CLINT1: variants seen among roughly 807,000 people sequenced by gnomAD.
CLINT1 encodes clathrin interactor 1.
CLINT1 carries 15 observed loss-of-function variants against 70.4 expected under a neutral mutation model. The ratio of observed to expected loss-of-function variants is 0.21; its 90% confidence interval spans 0.14 to 0.33. The LOEUF is 0.33. CLINT1 is among the 10% of genes least tolerant of loss of function. The pLI is 1.00. For missense variants in CLINT1, 615 were observed against 778.1 expected (o/e 0.79, Z 2.49); for synonymous variants, 227 against 254.7 (o/e 0.89, Z 1.04).
intron 8 of CLINT1, among the ~76,000 whole-genome samples, chr5:157,797,873 C>G (rs1052328139): frequency 6.6e-6 from 1 of 152,140 alleles, no homozygotes; most frequent in Non-Finnish European, 1.5e-5. Context: ...CATAACTTAT[C>G]TATAGCAAAT....
chr5:157,815,873 C>T (rs995905914), intron 3 of CLINT1, among the ~76,000 whole-genome samples: 2 of 152,074 alleles, frequency 1.3e-5, no homozygotes, highest in African/African-American at 4.8e-5. Context: ...AGAAAAGGTA[C>T]AGAACAAATA....
At chr5:157,801,709 T>A (rs1762227743) in intron 8 of CLINT1, among the ~76,000 whole-genome samples, 1 of 152,144 alleles carries the variant, frequency 6.6e-6, no homozygotes, top group Admixed American at 6.5e-5. Context: ...GGCAGGTGAC[T>A]GTAATCCCAG....
chr5:157,814,348 T>C lies in CLINT1; in HGVS notation c.244-55A>G, dbSNP rs982964804. 7.5e-6 allele frequency: 9 copies of C among 1,194,858 alleles called. No individual in the cohort carries two copies. The African/African-American group carries it at 1.2e-4, about 16-fold the overall frequency. 74.0% of individuals were successfully genotyped at this position (1,194,858 alleles called of 1,614,324 possible). On this transcript the variant is annotated intron_variant, in intron 3 of 11. Coordinates refer to ENST00000411809, the MANE Select transcript of CLINT1 (RefSeq NM_014666.4). The stretch of plus-strand genomic sequence containing the variant: ...AATGAAATATATTCTAGTAGAGCTT[T>C]GGTAAATGGTTAAAAAAAATAATTC...
At chr5:157,815,083 A>G (rs1055515891) in intron 3 of CLINT1, among the ~76,000 whole-genome samples, 5 of 151,526 alleles carry the variant, frequency 3.3e-5, no homozygotes, top group African/African-American at 1.2e-4. Flanking sequence ...AAACAACCTG[A>G]AGGTAGAAAA....
chr5:157,792,057 A>G, intron 9 of CLINT1, 62 bp from the exon 10 acceptor site: 3 of 1,436,780 alleles, frequency 2.1e-6, no homozygotes, highest in African/African-American at 1.4e-5. Context: ...AAATGTAACA[A>G]TCTATGAACT....
chr5:157,816,666 T>C (rs1762732208), intron 3 of CLINT1, 68 bp downstream of exon 3: 1 of 1,067,932 alleles, frequency 9.4e-7, no homozygotes, highest in Non-Finnish European at 1.4e-6. Context: ...CACCTATGTA[T>C]ATACACCTTC....
At chr5:157,798,176 C>G (rs1459013763) in intron 8 of CLINT1, among the ~76,000 whole-genome samples, 1 of 152,018 alleles carries the variant, frequency 6.6e-6, no homozygotes, top group African/African-American at 2.4e-5. Context: ...ATATTCATAC[C>G]AAATTCCACA....
intron 8 of CLINT1, among the ~76,000 whole-genome samples, chr5:157,801,652 G>C (rs1319805175): frequency 1.3e-5 from 2 of 152,134 alleles, no homozygotes; most frequent in Non-Finnish European, 2.9e-5. Flanking sequence ...GGCCAACACA[G>C]TGAAACTCCG....
At chr5:157,823,183 T>C (rs1401415950) in intron 1 of CLINT1, among the ~76,000 whole-genome samples, 1 of 152,190 alleles carries the variant, frequency 6.6e-6, no homozygotes, top group Non-Finnish European at 1.5e-5. Flanking sequence ...CATACTAAGA[T>C]AATTTAAAAG....
At chr5:157,835,747 G>A (rs988792102) in intron 1 of CLINT1, among the ~76,000 whole-genome samples, 2 of 152,062 alleles carry the variant, frequency 1.3e-5, no homozygotes, top group African/African-American at 4.8e-5. Flanking sequence ...CAGCTCTTTT[G>A]GGGGCATGAC....
chr5:157,845,945 T>C (rs1753362089), intron 1 of CLINT1, among the ~76,000 whole-genome samples: 1 of 152,190 alleles, frequency 6.6e-6, no homozygotes. Flanking sequence ...GTTACTATTG[T>C]AATTGTTTGG....
At chr5:157,824,772 A>G (rs1361443060) in intron 1 of CLINT1, among the ~76,000 whole-genome samples, 2 of 152,182 alleles carry the variant, frequency 1.3e-5, no homozygotes, top group Non-Finnish European at 2.9e-5. Context: ...ACAACTAGTA[A>G]ATGGCATATT....
At chr5:157,813,353 A>C in intron 4 of CLINT1, 126 bp from the exon 5 acceptor site, 1 of 871,462 alleles carries the variant, frequency 1.1e-6, no homozygotes, top group Non-Finnish European at 1.7e-6. Context: ...AAACAATAGA[A>C]AGGGGCAAGT....
chr5:157,813,361 AG>A, intron 4 of CLINT1, 134 bp from the exon 5 acceptor site: 1 of 828,546 alleles, frequency 1.2e-6, no homozygotes, highest in Non-Finnish European at 1.8e-6. Flanking sequence ...GAAAGGGGCA[AG>A]TTGTGCTATT....
intron 8 of CLINT1, among the ~76,000 whole-genome samples, chr5:157,802,145 T>A (rs1184766448): frequency 1.3e-5 from 2 of 152,154 alleles, no homozygotes; most frequent in Non-Finnish European, 2.9e-5. Context: ...TCCGCCTGCC[T>A]CGGCCTCCCA....
At chr5:157,853,793 A>G (rs1753657728) in intron 1 of CLINT1, among the ~76,000 whole-genome samples, 1 of 151,384 alleles carries the variant, frequency 6.6e-6, no homozygotes, top group Admixed American at 6.6e-5. Flanking sequence ...AAAAAAAAAA[A>G]AAAAAAAAAG....
At chr5:157,830,676 G>A (rs1763192521) in intron 1 of CLINT1, among the ~76,000 whole-genome samples, 1 of 150,376 alleles carries the variant, frequency 6.6e-6, no homozygotes, top group Admixed American at 6.6e-5. Context: ...AGGTGTTCAA[G>A]ACCAGCCTGG....
In CLINT1 at chr5:157,787,940, G is replaced by A; in HGVS notation, c.1584C>T (p.Leu528=). 1 of 1,612,714 alleles carries A rather than the reference G, an allele frequency of 6.2e-7. No homozygotes were observed. The highest frequency in any genetic ancestry group is 8.5e-7 in the Non-Finnish European group (1 of 1,179,278). The change falls in exon 12 of 12, where the codon CTC becomes CTT. Residue 528 remains leucine, a synonymous_variant. Transcript: ENST00000411809. Reference sequence around the variant, plus strand: ...CAGGAAGCATGTTCGATGGAGAACTGAGGTTCACAGCTCCAAAACTTTGAG... The same window carrying A: ...CAGGAAGCATGTTCGATGGAGAACTAAGGTTCACAGCTCCAAAACTTTGAG... ...VMTQSFGAVN[L]SSPSNMLPVR...
At chr5:157,846,519 C>T (rs1050623822) in intron 1 of CLINT1, among the ~76,000 whole-genome samples, 18 of 152,150 alleles carry the variant, frequency 1.2e-4, no homozygotes, top group Admixed American at 5.9e-4. Flanking sequence ...GAAAAGAAGC[C>T]GCCTCCATAA....
Sources: allele counts gnomAD v4.1 joint callset (sites outside exome capture counted in the v4.1 genomes callset), GRCh38; gene constraint gnomAD v4.1.1; transcripts MANE v1.5; gene names NCBI Gene and HGNC (gene_info 2026-07-23, HGNC 2026-07-21).